The following TOGARAM1 variants were observed in gnomAD, a reference collection of about 807,000 sequenced individuals.
The protein encoded by TOGARAM1 is TOG array regulator of axonemal microtubules protein 1.
In TOGARAM1, 100 loss-of-function variants were observed where a neutral mutation model predicts 166.6. The ratio of observed to expected loss-of-function variants is 0.60; its 90% CI spans 0.51 to 0.71. TOGARAM1 has a LOEUF of 0.71. Ranked by LOEUF, TOGARAM1 falls within the 30% of genes least tolerant of loss-of-function variation. The pLI, the probability that TOGARAM1 is intolerant of heterozygous loss-of-function variation, is 0.00. For missense variants in TOGARAM1, 2,029 were observed against 2,102.7 expected (o/e 0.96, Z 0.69); for synonymous variants, 758 against 763.8 (o/e 0.99, Z 0.13).
chr14:44,982,657 G>T (rs1273453078), intron 1 of TOGARAM1, among the ~76,000 whole-genome samples: 1 of 152,198 alleles, frequency 6.6e-6, no homozygotes, highest in Non-Finnish European at 1.5e-5. Flanking sequence ...AAAAGTTTAT[G>T]AGGTGAATTG....
chr14:45,008,916 C>G lies in TOGARAM1; in HGVS notation c.2908C>G (p.His970Asp), dbSNP rs751131757. The stretch of plus-strand genomic sequence containing the variant: ...TATTGTTTTCATTTTTTCTTAGATG[C>G]ATAGCTCTCTTAGGTCCCTTCGTAA... Reference protein sequence around the residue: ...KDKDLDQEEMHSSLRSLRNSA... With the variant: ...KDKDLDQEEMDSSLRSLRNSA... The change falls in exon 6 of 20, where the codon CAT (histidine) becomes GAT (aspartate). Residue 970 changes from histidine (H) to aspartate (D), a missense_variant. By Grantham distance (81) the His-to-Asp change is moderately conservative. Transcript: ENST00000361462. 4.4e-6 allele frequency: 7 copies of G among 1,603,226 alleles called. No homozygotes were observed.
Position 45,005,990 on chromosome 14 carries a change from T to C in TOGARAM1, c.2645-18T>C. On this transcript the variant is annotated intron_variant, in intron 4 of 19. Coordinates refer to ENST00000361462, the MANE Select transcript of TOGARAM1 (RefSeq NM_001308120.2). ...AAAATTAGAAAAAGAAAAAGTAAAA[T>C]ATCTATTTTTCATGCAGGAGAAAAT... 1.3e-6 allele frequency: 2 copies of C among 1,525,768 alleles called. No individual in the cohort carries two copies. Among genetic ancestry groups the C allele is most frequent in the Non-Finnish European group, 1.8e-6 (2 of 1,136,230 alleles). The allele number at this position is 1,525,768 out of a possible 1,614,324, so 94.5% of individuals were successfully genotyped here.
intron 1 of TOGARAM1, among the ~76,000 whole-genome samples, chr14:44,968,830 A>G (rs933363549): frequency 1.3e-5 from 2 of 152,176 alleles, no homozygotes; most frequent in Non-Finnish European, 2.9e-5. Flanking sequence ...TGACAAATGT[A>G]TCCATGTCTT....
At chr14:45,030,392 A>G (rs1469064399) in intron 10 of TOGARAM1, among the ~76,000 whole-genome samples, 2 of 152,194 alleles carry the variant, frequency 1.3e-5, no homozygotes, top group Non-Finnish European at 2.9e-5. Context: ...CATCTGTAAT[A>G]TACTACTAAT....
Position 45,004,497 on chromosome 14 carries a change from A to G in TOGARAM1, c.2644+131A>G, listed in dbSNP as rs1028567120. 1.5e-5 allele frequency: 10 copies of G among 670,542 alleles called. No individual in the cohort carries two copies. The Admixed American group carries it at 3.0e-4, about 20-fold the overall frequency. The allele number at this position is 670,542 out of a possible 1,614,324, so 41.5% of individuals were successfully genotyped here. A position where few individuals can be genotyped will look rare whatever the true frequency, so the allele number is the denominator to read the frequency against. On this transcript the variant is annotated intron_variant, in intron 4 of 19. Coordinates refer to ENST00000361462, the MANE Select transcript of TOGARAM1 (RefSeq NM_001308120.2). ...TGTCTGAATTTAGTAAATATTTAGGAAAATATTTAATAGTGTGTTAAATAA... is the reference window on the plus strand; with the variant it reads ...TGTCTGAATTTAGTAAATATTTAGGGAAATATTTAATAGTGTGTTAAATAA...
chr14:45,006,486 T>C (rs1879441159), intron 5 of TOGARAM1: 2 of 385,902 alleles, frequency 5.2e-6, no homozygotes, highest in African/African-American at 4.1e-5. Flanking sequence ...CTCTACTGTA[T>C]TTTCTTCAAG....
chr14:45,022,731 A>G (rs1880595868), intron 7 of TOGARAM1, among the ~76,000 whole-genome samples: 1 of 151,876 alleles, frequency 6.6e-6, no homozygotes, highest in African/African-American at 2.4e-5. Flanking sequence ...GTCCTTCTGT[A>G]AGCATTTCTA....
intron 11 of TOGARAM1, among the ~76,000 whole-genome samples, chr14:45,038,079 GT>G (rs1881528124): frequency 6.6e-6 from 1 of 152,122 alleles, no homozygotes; most frequent in African/African-American, 2.4e-5. Context: ...TTCTTTGTAT[GT>G]ATTTTTAGTA....
At chr14:45,049,548 C>A (rs764320142) in intron 14 of TOGARAM1, among the ~76,000 whole-genome samples, 2 of 152,114 alleles carry the variant, frequency 1.3e-5, no homozygotes, top group African/African-American at 2.4e-5. Context: ...TGTGAGCCAC[C>A]GCACCCGGCC....
Position 44,979,654 on chromosome 14 carries a change from G to C in TOGARAM1, c.2046+15187G>C, listed in dbSNP as rs552574627. ...TTCCTTAAGGTCTCTTAGCTAGTGA[G>C]TGGCAGAGCTGATTTGAATGTAGGC... On this transcript the variant is annotated intron_variant, in intron 1 of 19. Transcript: ENST00000361462. Among the ~76,000 whole-genome samples the C allele has an allele frequency of 3.3e-5, 5 of 152,336 alleles. No individual in the cohort carries two copies. In the East Asian group the frequency reaches 9.6e-4, roughly 29 times the overall value.
intron 17 of TOGARAM1, among the ~76,000 whole-genome samples, chr14:45,068,131 A>ACAGTCAGT (rs774380974): frequency 6.6e-6 from 1 of 152,170 alleles, no homozygotes; most frequent in African/African-American, 2.4e-5. Flanking sequence ...TATCATATTT[A>ACAGTCAGT]CAGTCAGTCA....
intron 11 of TOGARAM1, among the ~76,000 whole-genome samples, chr14:45,034,836 G>A (rs1171918287): frequency 2.0e-5 from 3 of 152,052 alleles, no homozygotes; most frequent in Admixed American, 6.6e-5. Context: ...GAAATTACCA[G>A]GCATGCAGAG....
intron 6 of TOGARAM1, among the ~76,000 whole-genome samples, chr14:45,010,735 A>G (rs1879737828): frequency 6.6e-6 from 1 of 152,180 alleles, no homozygotes; most frequent in African/African-American, 2.4e-5. Context: ...TCCAGCTTGC[A>G]TACTGCCTTA....
At chr14:44,990,750 G>T (rs930438551) in intron 1 of TOGARAM1, among the ~76,000 whole-genome samples, 6 of 152,078 alleles carry the variant, frequency 3.9e-5, no homozygotes, top group African/African-American at 1.4e-4. Flanking sequence ...CGGCTACAGA[G>T]AGTTCAGTGT....
chr14:45,002,942 G>A (rs1311395069), intron 3 of TOGARAM1, among the ~76,000 whole-genome samples: 2 of 152,052 alleles, frequency 1.3e-5, no homozygotes, highest in Non-Finnish European at 2.9e-5. Flanking sequence ...TCGTGCCACT[G>A]CACTCCAGCC....
chr14:45,044,740 A>C lies in TOGARAM1; in HGVS notation c.4024A>C (p.Lys1342Gln). Residue 1342 changes from lysine (K) to glutamine (Q), a missense_variant, in exon 13 of 20, where the codon AAA (lysine) becomes CAA (glutamine). By Grantham distance (53) the Lys-to-Gln change is moderately conservative. This residue lies in a region of TOGARAM1 where 576 missense variants were observed against 670.5 expected (regional missense o/e 0.86). Transcript: ENST00000361462. ...SMDQELDTTVKVLLHKAGESN... is the reference protein window; with the variant it reads ...SMDQELDTTVQVLLHKAGESN... ...GGATCAAGAGCTAGATACCACAGTA[A>C]AAGTTTTGTTGCACAAGGCTGGTGA... The C allele has an allele frequency of 6.2e-7, 1 of 1,614,066 alleles. No individual in the cohort carries two copies. Among genetic ancestry groups the C allele is most frequent in the Non-Finnish European group, 8.5e-7 (1 of 1,179,984 alleles).
chr14:45,005,992 T>C lies in TOGARAM1; in HGVS notation c.2645-16T>C, dbSNP rs781556927. 9 of 1,528,668 alleles carry C rather than the reference T, an allele frequency of 5.9e-6. No individual in the cohort carries two copies. The East Asian group carries it at 1.4e-4, about 23-fold the overall frequency. The allele number at this position is 1,528,668 out of a possible 1,614,324, so 94.7% of individuals were successfully genotyped here. On this transcript the variant is annotated splice_polypyrimidine_tract_variant and intron_variant, in intron 4 of 19. Transcript: ENST00000361462. ...AATTAGAAAAAGAAAAAGTAAAATA[T>C]CTATTTTTCATGCAGGAGAAAATTC...
At chr14:45,049,173 C>G (rs773250450) in intron 14 of TOGARAM1, among the ~76,000 whole-genome samples, 9 of 151,712 alleles carry the variant, frequency 5.9e-5, no homozygotes, top group African/African-American at 9.7e-5. Flanking sequence ...GCATGCAACC[C>G]TCCTCTGTTT....
intron 12 of TOGARAM1, 78 bp from the exon 13 acceptor site, chr14:45,044,551 ACATTGT>A: frequency 1.8e-6 from 2 of 1,083,224 alleles, no homozygotes; most frequent in Non-Finnish European, 2.6e-6. Context: ...AAAAAAAAAA[ACATTGT>A]AAAATTCCTT....
Sources: gnomAD v4.1 joint callset for allele counts (sites outside exome capture counted in the v4.1 genomes callset) on GRCh38, gnomAD v4.1.1 for gene constraint, gnomAD v4.1.1 regional missense constraint, MANE v1.5 for transcripts, NCBI Gene and HGNC (gene_info 2026-07-23, HGNC 2026-07-21) for gene names.